Variants in HS6ST3 observed in about 807,000 individuals in gnomAD.
The protein encoded by HS6ST3 is heparan sulfate 6-O-sulfotransferase 3.
In HS6ST3, 12 loss-of-function variants were observed where a neutral mutation model predicts 36.7. That is an observed-to-expected ratio of 0.33 (90% confidence interval 0.21 to 0.53). The LOEUF is 0.53. Among genes scored for constraint, HS6ST3 ranks in the 20% least tolerant of loss-of-function variants. The probability of loss-of-function intolerance (pLI) is 0.95; values close to 1 mark genes in which losing one functional copy is unlikely to be tolerated. For synonymous variants in HS6ST3, 240 were observed against 257.5 expected, an observed-to-expected ratio of 0.93 and a Z score of 0.65; for missense variants, 584 against 640.9, an observed-to-expected ratio of 0.91 and a Z score of 0.96.
chr13:96,251,117 T>C lies in HS6ST3; in HGVS notation c.707+159548T>C, dbSNP rs140203014. On this transcript the variant is annotated intron_variant, in intron 1 of 1. Transcript: ENST00000376705. ...ATGAGTAGAATGAGCTTGGAAGTTT[T>C]CCCTTCTCTTCAATTTCTTTGGAAG... Among the ~76,000 whole-genome samples the C allele has an allele frequency of 7.2e-3, 1,102 of 152,324 alleles. 11 individuals are homozygous for C. The highest frequency in any genetic ancestry group is 0.025 in the African/African-American group (1,028 of 41,568).
chr13:96,254,982 A>T (rs79414419), intron 1 of HS6ST3, among the ~76,000 whole-genome samples: 7 of 152,336 alleles, frequency 4.6e-5, no homozygotes, highest in Admixed American at 6.5e-5. Flanking sequence ...AGCTGTTTAA[A>T]AACCATTTGT....
intron 1 of HS6ST3, among the ~76,000 whole-genome samples, chr13:96,657,842 G>C (rs919322964): frequency 6.6e-6 from 1 of 152,144 alleles, no homozygotes; most frequent in Non-Finnish European, 1.5e-5. Context: ...CAGGCAATGT[G>C]AAGAACAAGG....
At chr13:96,332,782 A>G (rs9556567) in intron 1 of HS6ST3, among the ~76,000 whole-genome samples, 55,149 of 152,124 alleles carry the variant, frequency 0.36, 10,287 homozygotes, top group African/African-American at 0.43. Flanking sequence ...GTCTATTTAT[A>G]TGTTCATCAG....
intron 1 of HS6ST3, among the ~76,000 whole-genome samples, chr13:96,452,361 A>T (rs964857446): frequency 6.6e-6 from 1 of 152,216 alleles, no homozygotes; most frequent in Admixed American, 6.5e-5. Flanking sequence ...TCTTACTCCA[A>T]GAAATTACAA....
At chr13:96,368,342 G>A (rs1362760203) in intron 1 of HS6ST3, among the ~76,000 whole-genome samples, 1 of 152,068 alleles carries the variant, frequency 6.6e-6, no homozygotes, top group African/African-American at 2.4e-5. Flanking sequence ...GCTAGTTTGT[G>A]TCATAGCATG....
intron 1 of HS6ST3, among the ~76,000 whole-genome samples, chr13:96,742,804 A>G (rs768137621): frequency 2.8e-4 from 43 of 152,234 alleles, no homozygotes; most frequent in Non-Finnish European, 4.9e-4. Context: ...CACATTTTAT[A>G]TGAAACAAGT....
At position 96,838,431 on chromosome 13, in the gene HS6ST3, G is replaced by A. The variant is rs572088352; in HGVS notation, c.*5233G>A. On this transcript the variant is annotated 3_prime_UTR_variant, in exon 2 of 2. Transcript: ENST00000376705. Reference sequence around the variant, plus strand: ...TACACAAGAATACCCTGATCTGATCGCAGCTGTGACTCCAAGGTTTTCCTT... The same window carrying A: ...TACACAAGAATACCCTGATCTGATCACAGCTGTGACTCCAAGGTTTTCCTT... The A allele has an allele frequency of 2.0e-5, 3 of 152,348 alleles. No homozygotes were observed. Among genetic ancestry groups the A allele is most frequent in the Admixed American group, 6.5e-5 (1 of 15,302 alleles). The allele number at this position is 152,348 out of a possible 1,614,324, so 9.4% of individuals were successfully genotyped here.
intron 1 of HS6ST3, among the ~76,000 whole-genome samples, chr13:96,796,109 C>A (rs990259213): frequency 6.6e-6 from 1 of 152,048 alleles, no homozygotes; most frequent in South Asian, 2.1e-4. Flanking sequence ...TTATGATTCA[C>A]GGGTTTTAAG....
At chr13:96,590,042 C>A (rs2056376850) in intron 1 of HS6ST3, among the ~76,000 whole-genome samples, 1 of 152,080 alleles carries the variant, frequency 6.6e-6, no homozygotes, top group Admixed American at 6.6e-5. Context: ...AAATAATACT[C>A]CTTTGTGTAT....
intron 1 of HS6ST3, among the ~76,000 whole-genome samples, chr13:96,112,515 T>A (rs532219015): frequency 2.1e-5 from 3 of 143,910 alleles, no homozygotes; most frequent in African/African-American, 7.7e-5. Flanking sequence ...GGTGGAATGC[T>A]TGAATCCAGG....
At chr13:96,196,205 C>T (rs777705448) in intron 1 of HS6ST3, among the ~76,000 whole-genome samples, 3 of 152,088 alleles carry the variant, frequency 2.0e-5, no homozygotes, top group Non-Finnish European at 2.9e-5. Context: ...GCTGGTAGCC[C>T]GTAGGATTCC....
intron 1 of HS6ST3, chr13:96,573,544 C>T: frequency 5.4e-6 from 1 of 184,660 alleles, no homozygotes; most frequent in Non-Finnish European, 1.1e-5. Flanking sequence ...AGCTCCCCTC[C>T]TCTGTTGTAG....
intron 1 of HS6ST3, among the ~76,000 whole-genome samples, chr13:96,358,564 T>C (rs1826550058): frequency 6.6e-6 from 1 of 151,838 alleles, no homozygotes; most frequent in Non-Finnish European, 1.5e-5. Flanking sequence ...GCAGAGAGAA[T>C]ATTTAAATTA....
chr13:96,732,231 T>G lies in HS6ST3; in HGVS notation c.708-100259T>G, dbSNP rs190807493. Among the ~76,000 whole-genome samples, 25 of 152,312 alleles carry G rather than the reference T, an allele frequency of 1.6e-4. No individual in the cohort carries two copies. In the East Asian group the frequency reaches 4.8e-3, roughly 29 times the overall value. On this transcript the variant is annotated intron_variant, in intron 1 of 1. Transcript: ENST00000376705. ...TTGAGAAATGTCTATTCAGGCCTTT[T>G]TAAAATTTTTAAATCAGGTTATTTC...
At chr13:96,370,565 C>G (rs1296081572) in intron 1 of HS6ST3, among the ~76,000 whole-genome samples, 1 of 152,128 alleles carries the variant, frequency 6.6e-6, no homozygotes, top group Non-Finnish European at 1.5e-5. Flanking sequence ...TCTCCAGACC[C>G]TCTCAAGGGT....
chr13:96,681,354 C>T (rs931130894), intron 1 of HS6ST3, among the ~76,000 whole-genome samples: 13 of 152,108 alleles, frequency 8.5e-5, no homozygotes, highest in Admixed American at 3.9e-4. Flanking sequence ...AATACCTTCT[C>T]TCCATTCCAG....
chr13:96,789,589 A>G (rs971063893), intron 1 of HS6ST3, among the ~76,000 whole-genome samples: 6 of 151,778 alleles, frequency 4.0e-5, no homozygotes, highest in Non-Finnish European at 7.4e-5. Flanking sequence ...TTTATTTTAC[A>G]GCAGGTTTGC....
At chr13:96,487,461 TC>T (rs2055921068) in intron 1 of HS6ST3, among the ~76,000 whole-genome samples, 1 of 152,160 alleles carries the variant, frequency 6.6e-6, no homozygotes, top group East Asian at 1.9e-4. Context: ...AAATTGAATT[TC>T]TAAATGTGAC....
chr13:96,476,597 G>A (rs780255471), intron 1 of HS6ST3, among the ~76,000 whole-genome samples: 28 of 152,098 alleles, frequency 1.8e-4, no homozygotes, highest in African/African-American at 6.8e-4. Flanking sequence ...TCCTGACCTC[G>A]TGATTGGCCA....
Sources: allele counts gnomAD v4.1 joint callset (sites outside exome capture counted in the v4.1 genomes callset), GRCh38; gene constraint gnomAD v4.1.1; transcripts MANE v1.5; gene names NCBI Gene and HGNC (gene_info 2026-07-23, HGNC 2026-07-21).